The following ENTHD1 variants were observed in gnomAD, a reference collection of about 807,000 sequenced individuals.
The protein encoded by ENTHD1 is ENTH domain-containing protein 1.
ENTHD1 carries 23 observed loss-of-function variants against 39.1 expected under a neutral mutation model. That is an observed-to-expected ratio of 0.59 (90% CI 0.42 to 0.83). The LOEUF is 0.83. Ranked by LOEUF, ENTHD1 falls within the 40% of genes least tolerant of loss-of-function variation. The pLI is 0.00. For synonymous variants in ENTHD1, 230 were observed against 258.2 expected (o/e 0.89, Z 1.05); for missense variants, 624 against 705.4 (o/e 0.88, Z 1.31).
At chr22:39,772,452 A>G (rs2065334448) in intron 5 of ENTHD1, among the ~76,000 whole-genome samples, 1 of 152,190 alleles carries the variant, frequency 6.6e-6, no homozygotes, top group African/African-American at 2.4e-5. Context: ...GTGACACAAT[A>G]TTAACTCTAA....
chr22:39,813,709 G>A (rs1243115165), intron 5 of ENTHD1, among the ~76,000 whole-genome samples: 1 of 152,108 alleles, frequency 6.6e-6, no homozygotes, highest in Non-Finnish European at 1.5e-5. Context: ...ATTCCACCTA[G>A]CATGGTATGG....
chr22:39,857,169 G>A (rs772031943), intron 3 of ENTHD1, among the ~76,000 whole-genome samples: 3 of 152,026 alleles, frequency 2.0e-5, no homozygotes, highest in East Asian at 1.9e-4. Flanking sequence ...GGGGCTGGGC[G>A]CAGTGGCTCA....
chr22:39,825,534 A>T (rs2065819680), intron 4 of ENTHD1, among the ~76,000 whole-genome samples: 1 of 151,704 alleles, frequency 6.6e-6, no homozygotes, highest in African/African-American at 2.4e-5. Flanking sequence ...ATTCTTCTTT[A>T]TTTTTTTATT....
chr22:39,870,736 G>A (rs2066235147), intron 2 of ENTHD1, among the ~76,000 whole-genome samples: 1 of 152,126 alleles, frequency 6.6e-6, no homozygotes, highest in Non-Finnish European at 1.5e-5. Context: ...AAGAAACTGA[G>A]ATACAAATAA....
At position 39,796,018 on chromosome 22, in the gene ENTHD1, A is replaced by G. The variant is rs554998149; in HGVS notation, c.832+24975T>C. On this transcript the variant is annotated intron_variant, in intron 5 of 6. Transcript: ENST00000325157. ...TTTTGTTTATCTTTTCAAACAACCA[A>G]CTTCTCATTTTGTTGACGTTCTGTA... 3.8e-3 allele frequency among the ~76,000 whole-genome samples: 571 copies of G among 151,590 alleles called. 6 individuals are homozygous for G. The highest frequency in any genetic ancestry group is 0.012 in the African/African-American group (503 of 41,342).
chr22:39,806,037 G>A (rs2065637728), intron 5 of ENTHD1, among the ~76,000 whole-genome samples: 1 of 152,028 alleles, frequency 6.6e-6, no homozygotes, highest in Non-Finnish European at 1.5e-5. Context: ...TCATTCACTT[G>A]TAGCCCTCTA....
intron 3 of ENTHD1, among the ~76,000 whole-genome samples, chr22:39,853,634 C>T (rs1215713491): frequency 6.6e-6 from 1 of 152,126 alleles, no homozygotes; most frequent in African/African-American, 2.4e-5. Flanking sequence ...AGTACAGTGG[C>T]GTGATCTCAG....
At chr22:39,773,949 A>G (rs188685240) in intron 5 of ENTHD1, among the ~76,000 whole-genome samples, 3 of 152,328 alleles carry the variant, frequency 2.0e-5, no homozygotes, top group African/African-American at 7.2e-5. Flanking sequence ...ATTTCAGCAA[A>G]GAAATGAAGG....
intron 5 of ENTHD1, among the ~76,000 whole-genome samples, chr22:39,800,956 A>G (rs1019248997): frequency 6.6e-6 from 1 of 152,230 alleles, no homozygotes; most frequent in Non-Finnish European, 1.5e-5. Flanking sequence ...AGGAAGTGAC[A>G]TGATCAGATA....
In ENTHD1 at chr22:39,802,305, G is replaced by A. The variant is rs188430980; in HGVS notation, c.832+18688C>T. Among the ~76,000 whole-genome samples the A allele has an allele frequency of 5.3e-5, 8 of 152,304 alleles. No individual in the cohort carries two copies. In the East Asian group the frequency reaches 1.3e-3, roughly 26 times the overall value. ...AAAGACTCAAGACTCAGAGAAAACC[G>A]TCTGTTTTTAAGCTTAGGTTGGATG... On this transcript the variant is annotated intron_variant, in intron 5 of 6. Coordinates refer to ENST00000325157, the MANE Select transcript of ENTHD1 (RefSeq NM_152512.4).
chr22:39,789,174 G>T (rs138397206), intron 5 of ENTHD1, among the ~76,000 whole-genome samples: 1 of 152,194 alleles, frequency 6.6e-6, no homozygotes, highest in Admixed American at 6.5e-5. Flanking sequence ...GAATAATGTT[G>T]CAATGAACAC....
chr22:39,805,562 G>A (rs778773163), intron 5 of ENTHD1, among the ~76,000 whole-genome samples: 15 of 152,108 alleles, frequency 9.9e-5, no homozygotes, highest in Non-Finnish European at 1.6e-4. Context: ...TAAAAACAAT[G>A]GGATCAGTTT....
chr22:39,819,491 A>T (rs1447043134), intron 5 of ENTHD1, among the ~76,000 whole-genome samples: 1 of 152,122 alleles, frequency 6.6e-6, no homozygotes, highest in Non-Finnish European at 1.5e-5. Context: ...AAAAAAATCT[A>T]AAAATCATAC....
chr22:39,823,120 T>C (rs563082104), intron 4 of ENTHD1, among the ~76,000 whole-genome samples: 1 of 152,344 alleles, frequency 6.6e-6, no homozygotes, highest in East Asian at 1.9e-4. Flanking sequence ...AATGGAATCA[T>C]ACAGTATGTA....
At chr22:39,852,304 G>A (rs1008495444) in intron 3 of ENTHD1, among the ~76,000 whole-genome samples, 2 of 152,144 alleles carry the variant, frequency 1.3e-5, no homozygotes, top group African/African-American at 4.8e-5. Context: ...CTGTGATGGT[G>A]CCACTGTACT....
At chr22:39,838,755 C>G (rs907715250) in intron 3 of ENTHD1, among the ~76,000 whole-genome samples, 2 of 151,786 alleles carry the variant, frequency 1.3e-5, no homozygotes, top group Non-Finnish European at 2.9e-5. Flanking sequence ...ATATTAAAAC[C>G]TTTGGTCAGA....
chr22:39,862,941 T>C (rs916027619), intron 2 of ENTHD1, among the ~76,000 whole-genome samples: 2 of 152,160 alleles, frequency 1.3e-5, no homozygotes, highest in Non-Finnish European at 2.9e-5. Flanking sequence ...CATTTGTCTC[T>C]TGCTTGCCTT....
At chr22:39,801,630 G>A (rs3091377) in intron 5 of ENTHD1, among the ~76,000 whole-genome samples, 14,475 of 152,238 alleles carry the variant, frequency 0.095, 766 homozygotes, top group African/African-American at 0.13. Context: ...AGGTAGTAAT[G>A]TAAAGAGGAA....
Position 39,759,928 on chromosome 22 carries a change from G to C in ENTHD1, c.1219+5295C>G, listed in dbSNP as rs112558569. 2.8e-4 allele frequency among the ~76,000 whole-genome samples: 43 copies of C among 151,960 alleles called. 1 individual carries two copies. Among genetic ancestry groups the C allele is most frequent in the African/African-American group, 9.6e-4 (40 of 41,528 alleles). ...CTAATTTAATTCTGCTGTGGCCAGA[G>C]ACCATACTTTTTTAAGATTTCAATC... On this transcript the variant is annotated intron_variant, in intron 6 of 6. Transcript: ENST00000325157.
Sources: gnomAD v4.1 joint callset for allele counts (sites outside exome capture counted in the v4.1 genomes callset) on GRCh38, gnomAD v4.1.1 for gene constraint, MANE v1.5 for transcripts, NCBI Gene and HGNC (gene_info 2026-07-23, HGNC 2026-07-21) for gene names.